The following NME7 variants were observed in gnomAD, a reference collection of about 807,000 sequenced individuals.
The protein encoded by NME7 is nucleoside diphosphate kinase 7.
A neutral mutation model predicts 49.1 loss-of-function variants in NME7; 41 were observed. The observed-to-expected ratio is 0.83, with a 90% CI of 0.65 to 1.08. NME7 has a LOEUF of 1.08. NME7 is among the 50% of genes least tolerant of loss of function. The probability of loss-of-function intolerance (pLI) is 0.00; values close to 1 mark genes in which losing one functional copy is unlikely to be tolerated. For synonymous variants in NME7, 139 were observed against 150.6 expected (o/e 0.92, Z 0.56); for missense variants, 423 against 463.4 (o/e 0.91, Z 0.80).
intron 7 of NME7, chr1:169,283,993 T>C (rs1650156507): frequency 6.6e-6 from 1 of 152,224 alleles, no homozygotes; most frequent in Non-Finnish European, 1.5e-5. Context: ...AATGTTGGTC[T>C]GTTTTGCTAG....
chr1:169,321,510 C>A (rs910261206), intron 3 of NME7, among the ~76,000 whole-genome samples: 1 of 152,172 alleles, frequency 6.6e-6, no homozygotes, highest in East Asian at 1.9e-4. Context: ...GTTGGCATTT[C>A]TTTAATCCCA....
intron 5 of NME7, chr1:169,302,143 C>A (rs972702163): frequency 4.6e-5 from 7 of 152,048 alleles, no homozygotes; most frequent in Non-Finnish European, 5.9e-5. Flanking sequence ...CACACTTATA[C>A]ACTGTTGATG....
intron 7 of NME7, chr1:169,285,941 C>T (rs940543470): frequency 8.5e-5 from 13 of 152,206 alleles, no homozygotes; most frequent in African/African-American, 2.9e-4. Context: ...TTAGAGATAT[C>T]ATCAAATATT....
At chr1:169,204,506 C>T (rs777125369) in intron 10 of NME7, among the ~76,000 whole-genome samples, 1 of 151,994 alleles carries the variant, frequency 6.6e-6, no homozygotes, top group Non-Finnish European at 1.5e-5. Flanking sequence ...AATCTCAATG[C>T]CTATGTGACA....
chr1:169,217,417 T>G (rs1347485557), intron 10 of NME7, among the ~76,000 whole-genome samples: 9 of 152,216 alleles, frequency 5.9e-5, no homozygotes, highest in Non-Finnish European at 1.3e-4. Context: ...AATATTCCAT[T>G]AATAATTTTT....
chr1:169,143,592 A>G (rs1425903643), intron 11 of NME7, among the ~76,000 whole-genome samples: 1 of 152,124 alleles, frequency 6.6e-6, no homozygotes, highest in African/African-American at 2.4e-5. Context: ...TTAGACTATG[A>G]GCCCTGAATG....
intron 1 of NME7, 118 bp downstream of exon 1, chr1:169,367,590 G>C (rs1212998971): frequency 8.0e-6 from 9 of 1,129,138 alleles, no homozygotes; most frequent in Non-Finnish European, 6.8e-6. Context: ...GGGGGAAAGA[G>C]ATAACGGGGA....
chr1:169,261,035 C>A (rs1052418732), intron 7 of NME7, among the ~76,000 whole-genome samples: 4 of 132,072 alleles, frequency 3.0e-5, no homozygotes, highest in African/African-American at 1.0e-4. Flanking sequence ...TAACATCATT[C>A]CCTGAATCAC....
chr1:169,277,418 T>C (rs1373959555), intron 7 of NME7, among the ~76,000 whole-genome samples: 2 of 136,192 alleles, frequency 1.5e-5, no homozygotes, highest in African/African-American at 5.2e-5. Context: ...TCTTGTTGAA[T>C]TGATCCCTTT....
At chr1:169,232,551 G>C (rs182882268) in intron 9 of NME7, among the ~76,000 whole-genome samples, 4 of 122,050 alleles carry the variant, frequency 3.3e-5, no homozygotes, top group Admixed American at 2.4e-4. Context: ...AAGCAGCCAG[G>C]GTGTTGGGGG....
At chr1:169,224,403 A>G (rs1209716433) in intron 10 of NME7, among the ~76,000 whole-genome samples, 1 of 152,088 alleles carries the variant, frequency 6.6e-6, no homozygotes, top group Non-Finnish European at 1.5e-5. Context: ...TTGTCTTTCC[A>G]AGTCTGAACC....
chr1:169,257,190 A>G (rs1342312989), intron 7 of NME7, among the ~76,000 whole-genome samples: 2 of 134,058 alleles, frequency 1.5e-5, no homozygotes, highest in African/African-American at 5.1e-5. Context: ...GTTTGATCTC[A>G]GACTGCTGTG....
At chr1:169,307,558 G>A (rs1651215875) in intron 4 of NME7, among the ~76,000 whole-genome samples, 1 of 152,206 alleles carries the variant, frequency 6.6e-6, no homozygotes, top group South Asian at 2.1e-4. Context: ...TGCTCTTGAA[G>A]TGTTTGCTGG....
At chr1:169,154,792 T>C (rs1156757968) in intron 11 of NME7, among the ~76,000 whole-genome samples, 1 of 149,064 alleles carries the variant, frequency 6.7e-6, no homozygotes, top group African/African-American at 2.5e-5. Context: ...AGCAAGACTC[T>C]GTCTAAAAAA....
intron 1 of NME7, among the ~76,000 whole-genome samples, chr1:169,364,267 C>T (rs1385837655): frequency 2.0e-5 from 3 of 152,048 alleles, no homozygotes; most frequent in African/African-American, 7.3e-5. Context: ...TAATTTCAAC[C>T]GAATGAGGCA....
intron 7 of NME7, among the ~76,000 whole-genome samples, chr1:169,240,145 T>TTATGA (rs57646728): frequency 0.63 from 95,410 of 151,016 alleles, 30,418 homozygotes; most frequent in East Asian, 0.92. Flanking sequence ...TCCATATTTA[T>TTATGA]TATGAGTTAA....
intron 1 of NME7, among the ~76,000 whole-genome samples, chr1:169,349,794 G>C (rs1180956757): frequency 6.6e-6 from 1 of 152,072 alleles, no homozygotes; most frequent in African/African-American, 2.4e-5. Context: ...ATTTGTATTA[G>C]TAAGAATGTA....
intron 6 of NME7, among the ~76,000 whole-genome samples, chr1:169,293,238 G>A (rs984998505): frequency 3.3e-5 from 5 of 149,614 alleles, no homozygotes; most frequent in Admixed American, 3.3e-4. Context: ...CAAAGTTATA[G>A]AGAACTATTA....
intron 4 of NME7, among the ~76,000 whole-genome samples, chr1:169,306,615 T>C (rs1218243209): frequency 6.6e-6 from 1 of 152,184 alleles, no homozygotes; most frequent in Non-Finnish European, 1.5e-5. Flanking sequence ...AGATTGACAG[T>C]TGCAGAGAGA....
Sources: gnomAD v4.1 joint callset for allele counts (sites outside exome capture counted in the v4.1 genomes callset) on GRCh38, gnomAD v4.1.1 for gene constraint, MANE v1.5 for transcripts, NCBI Gene and HGNC (gene_info 2026-07-23, HGNC 2026-07-21) for gene names.